The following RAPH1 variants were observed in gnomAD, a reference collection of about 807,000 sequenced individuals.
The protein encoded by RAPH1 is ras-associated and pleckstrin homology domains-containing protein 1.
A neutral mutation model predicts 88.1 loss-of-function variants in RAPH1; 18 were observed. That is an observed-to-expected ratio of 0.20 (90% CI 0.14 to 0.30). RAPH1 has a LOEUF of 0.30. Ranked by LOEUF, RAPH1 falls within the 10% of genes least tolerant of loss-of-function variation. The pLI is 1.00. For synonymous variants in RAPH1, 587 were observed against 559.0 expected (o/e 1.05, Z -0.71); for missense variants, 1,448 against 1,543.2 (o/e 0.94, Z 1.03).
intron 4 of RAPH1, among the ~76,000 whole-genome samples, chr2:203,473,938 C>T (rs2098535255): frequency 6.6e-6 from 1 of 152,110 alleles, no homozygotes; most frequent in Non-Finnish European, 1.5e-5. Flanking sequence ...ATTAGAGATG[C>T]AAAGGTGACC....
intron 4 of RAPH1, among the ~76,000 whole-genome samples, chr2:203,472,460 C>T (rs1448385391): frequency 6.6e-6 from 1 of 152,172 alleles, no homozygotes; most frequent in Non-Finnish European, 1.5e-5. Context: ...AATAAACTTG[C>T]TTTCACTTAA....
At chr2:203,508,870 G>A (rs1689205817) in intron 1 of RAPH1, among the ~76,000 whole-genome samples, 1 of 151,902 alleles carries the variant, frequency 6.6e-6, no homozygotes, top group Non-Finnish European at 1.5e-5. Context: ...TTTAGTCTAA[G>A]GACACTGAAA....
rs745495606 is a variant in RAPH1, at chr2:203,440,082, G to A, written c.3108C>T (p.Asn1036=). Residue 1036 remains asparagine, a synonymous_variant, in exon 14 of 14, where the codon AAC becomes AAT. Transcript: ENST00000319170. The part of the protein sequence containing the change: ...KPGKLNLSGV[N]LPGVLQQGCV... ...ACCCTTGTTGGAGAACTCCAGGAAGGTTGACTCCAGAAAGATTGAGTTTTC... is the reference window on the plus strand; with the variant it reads ...ACCCTTGTTGGAGAACTCCAGGAAGATTGACTCCAGAAAGATTGAGTTTTC... 7 of 1,613,466 alleles carry A rather than the reference G, an allele frequency of 4.3e-6. No individual in the cohort carries two copies. In the Admixed American group the frequency reaches 1.2e-4, roughly 27 times the overall value.
chr2:203,435,148 C>A lies in RAPH1; in HGVS notation c.*4289G>T, dbSNP rs1421271977. 6.6e-6 allele frequency: 1 copy of A among 152,208 alleles called. No individual in the cohort carries two copies. The highest frequency in any genetic ancestry group is 2.4e-5 in the African/African-American group (1 of 41,378). 9.4% of individuals were successfully genotyped at this position (152,208 alleles called of 1,614,324 possible). ...TATTCTACAGCTAAATTTCAGATTT[C>A]TTTTACATATAGACCTTGCAAGGGC... On this transcript the variant is annotated 3_prime_UTR_variant, in exon 14 of 14. Coordinates refer to ENST00000319170, the MANE Select transcript of RAPH1 (RefSeq NM_213589.3).
Position 203,493,971 on chromosome 2 carries a change from CAAAAAAAAAAAAA to C in RAPH1, c.120+1250_120+1262del, listed in dbSNP as rs397937732. On this transcript the variant is annotated intron_variant, in intron 2 of 13. Coordinates refer to ENST00000319170, the MANE Select transcript of RAPH1 (RefSeq NM_213589.3). ...GGGCGACAGGAGTGAGACTCTATCT[CAAAAAAAAAAAAA>C]AAAAAAAAAAAAAAGAAAAAAGAAA... Among the ~76,000 whole-genome samples, 29 of 18,964 alleles carry C rather than the reference CAAAAAAAAAAAAA, an allele frequency of 1.5e-3. No individual in the cohort carries two copies. The South Asian group carries it at 0.058, about 38-fold the overall frequency. The allele number at this position is 18,964 out of a possible 152,430, so 12.4% of individuals were successfully genotyped here.
chr2:203,509,071 T>C (rs1219194084), intron 1 of RAPH1, among the ~76,000 whole-genome samples: 1 of 148,380 alleles, frequency 6.7e-6, no homozygotes, highest in Non-Finnish European at 1.5e-5. Flanking sequence ...AAATAATTTT[T>C]TTTTTTTTTT....
intron 1 of RAPH1, among the ~76,000 whole-genome samples, chr2:203,507,127 C>A (rs1383249188): frequency 1.3e-5 from 2 of 150,650 alleles, no homozygotes; most frequent in African/African-American, 4.9e-5. Context: ...GAACTCCTGA[C>A]CTCAGGTGAT....
Position 203,508,004 on chromosome 2 carries a change from AG to A in RAPH1, c.1-12652del, listed in dbSNP as rs200076627. Reference sequence around the variant, plus strand: ...GAGGCGGGCGGATCACCAGGTCAGGAGATCAAGACCATCCTGGCTAACACAG... The same window carrying A: ...GAGGCGGGCGGATCACCAGGTCAGGAATCAAGACCATCCTGGCTAACACAG... On this transcript the variant is annotated intron_variant, in intron 1 of 13. Coordinates refer to ENST00000319170, the MANE Select transcript of RAPH1 (RefSeq NM_213589.3). Among the ~76,000 whole-genome samples the A allele has an allele frequency of 7.1e-3, 1,082 of 151,630 alleles. 22 individuals are homozygous for A. The highest frequency in any genetic ancestry group is 0.025 in the Admixed American group (387 of 15,206).
rs778393992 is a variant in RAPH1, at chr2:203,440,606, C to T, written c.2584G>A (p.Val862Met). ...PSPLSPVPSVVKQIASQFPPP... is the reference protein window; with the variant it reads ...PSPLSPVPSVMKQIASQFPPP... ...GGAAACTGGCTGGCTATCTGCTTCA[C>T]GACCGAGGGCACCGGTGACAGTGGA... Residue 862 changes from valine (V) to methionine (M), a missense_variant, in exon 14 of 14, where the codon GTG becomes ATG. Val to Met is a conservative substitution (Grantham distance 21). Around this residue, in one of 2 missense-constraint regions of RAPH1, gnomAD observed 935 missense variants for 890.1 expected, o/e 1.05. Coordinates refer to ENST00000319170, the MANE Select transcript of RAPH1 (RefSeq NM_213589.3). 1.7e-5 allele frequency: 27 copies of T among 1,552,944 alleles called. No homozygotes were observed. The highest frequency in any genetic ancestry group is 5.6e-5 in the Admixed American group (3 of 53,724).
chr2:203,497,444 T>TCA (rs1688567563), intron 1 of RAPH1, among the ~76,000 whole-genome samples: 3 of 152,224 alleles, frequency 2.0e-5, no homozygotes, highest in Non-Finnish European at 4.4e-5. Flanking sequence ...TGACATGGTA[T>TCA]CATCAAGTTA....
intron 4 of RAPH1, among the ~76,000 whole-genome samples, chr2:203,475,174 G>A (rs1209120424): frequency 6.6e-6 from 1 of 152,186 alleles, no homozygotes; most frequent in Admixed American, 6.5e-5. Context: ...TTGGGAGGCC[G>A]AGGCGGGAGG....
intron 1 of RAPH1, among the ~76,000 whole-genome samples, chr2:203,531,593 A>C (rs1462669418): frequency 6.6e-6 from 1 of 152,240 alleles, no homozygotes; most frequent in Non-Finnish European, 1.5e-5. Flanking sequence ...ATTTCTCCTC[A>C]GATATACAAA....
In RAPH1 at chr2:203,453,545, C is replaced by CAAA. The variant is rs59304139; in HGVS notation, c.1413+882_1413+884dup. Among the ~76,000 whole-genome samples the CAAA allele has an allele frequency of 1.2e-3, 34 of 28,276 alleles. 2 individuals carry two copies. The highest frequency in any genetic ancestry group is 2.9e-3 in the African/African-American group (25 of 8,602). 18.6% of individuals were successfully genotyped at this position (28,276 alleles called of 152,430 possible). On this transcript the variant is annotated intron_variant, in intron 10 of 13. Transcript: ENST00000319170. The stretch of plus-strand genomic sequence containing the variant: ...TGGGTGACAGAGCAAGACCCTGCCT[C>CAAA]AAAAAAAAAAAAAAAAAAAAAAAAA...
intron 1 of RAPH1, among the ~76,000 whole-genome samples, chr2:203,510,316 A>G (rs994413701): frequency 5.2e-5 from 7 of 135,884 alleles, no homozygotes; most frequent in African/African-American, 1.9e-4. Context: ...AGCCTGGGTG[A>G]TAGAGCAAAA....
intron 1 of RAPH1, among the ~76,000 whole-genome samples, chr2:203,517,180 C>G (rs565704126): frequency 9.2e-5 from 14 of 151,688 alleles, no homozygotes; most frequent in African/African-American, 3.1e-4. Context: ...ATATGCCATC[C>G]TAACACTAAT....
intron 4 of RAPH1, among the ~76,000 whole-genome samples, chr2:203,478,079 C>T (rs896483190): frequency 6.6e-6 from 1 of 150,776 alleles, no homozygotes; most frequent in African/African-American, 2.5e-5. Context: ...GTCGCCCAGG[C>T]TGGAGTGCAA....
chr2:203,496,634 G>C (rs751145223), intron 1 of RAPH1, among the ~76,000 whole-genome samples: 11 of 152,142 alleles, frequency 7.2e-5, no homozygotes, highest in Non-Finnish European at 1.3e-4. Flanking sequence ...CAAGTTAGCA[G>C]ATTATAAACC....
chr2:203,435,498 T>C lies in RAPH1; in HGVS notation c.*3939A>G, dbSNP rs1310899614. 1 of 151,638 alleles carries C rather than the reference T, an allele frequency of 6.6e-6. No homozygotes were observed. Among genetic ancestry groups the C allele is most frequent in the Non-Finnish European group, 1.5e-5 (1 of 68,022 alleles). The allele number at this position is 151,638 out of a possible 1,614,324, so 9.4% of individuals were successfully genotyped here. A position where few individuals can be genotyped will look rare whatever the true frequency, so the allele number is the denominator to read the frequency against. ...CAGGGTTAGGAGTACCCTGCATAAT[T>C]TATACAAATGTAAAGTGTATATTAA... On this transcript the variant is annotated 3_prime_UTR_variant, in exon 14 of 14. Coordinates refer to ENST00000319170, the MANE Select transcript of RAPH1 (RefSeq NM_213589.3).
At chr2:203,465,925 G>C (rs1347228558) in intron 4 of RAPH1, among the ~76,000 whole-genome samples, 8 of 151,864 alleles carry the variant, frequency 5.3e-5, no homozygotes, top group Non-Finnish European at 8.8e-5. Flanking sequence ...ACAAAGAAGA[G>C]ACCCGTGTAA....
Sources: gnomAD v4.1 joint callset for allele counts (sites outside exome capture counted in the v4.1 genomes callset) on GRCh38, gnomAD v4.1.1 for gene constraint, gnomAD v4.1.1 regional missense constraint, MANE v1.5 for transcripts, NCBI Gene and HGNC (gene_info 2026-07-23, HGNC 2026-07-21) for gene names.